The following SYNE1 variants were observed in gnomAD, a reference collection of about 807,000 sequenced individuals.
SYNE1 encodes the protein nesprin-1.
SYNE1 carries 616 observed loss-of-function variants against 1,111.0 expected under a neutral mutation model. The ratio of observed to expected loss-of-function variants is 0.55; its 90% confidence interval spans 0.52 to 0.59. The LOEUF is 0.59. Among genes scored for constraint, SYNE1 ranks in the 20% least tolerant of loss-of-function variants. The pLI is 0.00. For synonymous variants in SYNE1, 3,855 were observed against 3,825.8 expected (o/e 1.01, Z -0.28); for missense variants, 10,006 against 10,417.0 (o/e 0.96, Z 1.72).
Position 152,208,066 on chromosome 6 carries a change from T to G in SYNE1, c.22730A>C (p.Lys7577Thr), listed in dbSNP as rs1307700406. Residue 7577 changes from lysine to threonine, a missense_variant, in exon 125 of 146, where the codon AAA becomes ACA. This residue lies in a region of SYNE1 where 2,182 missense variants were observed against 2,287.8 expected (regional missense o/e 0.95). Coordinates refer to ENST00000367255, the MANE Select transcript of SYNE1 (RefSeq NM_182961.4). ...RYREMAEKLR[K>T]WLVEVSYLPM... ...GAGGTAGGACACTTCAACCAACCAT[T>G]TACGAAGCTTTTCTGCCATCTCCCT... The G allele has an allele frequency of 6.2e-7, 1 of 1,613,956 alleles. No individual in the cohort carries two copies. The highest frequency in any genetic ancestry group is 2.2e-5 in the East Asian group (1 of 44,878).
intron 45 of SYNE1, among the ~76,000 whole-genome samples, chr6:152,406,476 A>T (rs1256365971): frequency 8.7e-6 from 1 of 114,652 alleles, no homozygotes; most frequent in African/African-American, 3.9e-5. Context: ...AAGCATAGAT[A>T]AAAATGCAAA....
intron 134 of SYNE1, 101 bp downstream of exon 134, chr6:152,151,858 C>G: frequency 1.3e-6 from 2 of 1,509,336 alleles, no homozygotes; most frequent in Non-Finnish European, 1.8e-6. Flanking sequence ...CTCCTGCCAT[C>G]CCATTCTTAC....
chr6:152,239,515 T>C lies in SYNE1; in HGVS notation c.20067+18A>G, dbSNP rs186247729. The C allele has an allele frequency of 3.1e-6, 5 of 1,613,998 alleles. No homozygotes were observed. The highest frequency in any genetic ancestry group is 2.2e-5 in the South Asian group (2 of 91,070). On this transcript the variant is annotated intron_variant, in intron 108 of 145. Coordinates refer to ENST00000367255, the MANE Select transcript of SYNE1 (RefSeq NM_182961.4). ...CAGGAAGTTTGCAGCACAGAAGATATGACATCAATGGTCTCACCTCTAGAA... is the reference window on the plus strand; with the variant it reads ...CAGGAAGTTTGCAGCACAGAAGATACGACATCAATGGTCTCACCTCTAGAA...
At chr6:152,465,560 C>A in intron 17 of SYNE1, 100 bp from the exon 18 acceptor site, 1 of 1,055,082 alleles carries the variant, frequency 9.5e-7, no homozygotes, top group South Asian at 1.4e-5. Flanking sequence ...TAGTATCCAT[C>A]ACAAATGCCA....
At chr6:152,210,587 CA>C (rs2077344044) in intron 124 of SYNE1, among the ~76,000 whole-genome samples, 1 of 151,858 alleles carries the variant, frequency 6.6e-6, no homozygotes, top group Non-Finnish European at 1.5e-5. Context: ...ACATTAAAGA[CA>C]AAACTCTCAA....
chr6:152,536,361 C>T (rs535949461), intron 4 of SYNE1, among the ~76,000 whole-genome samples: 10 of 89,678 alleles, frequency 1.1e-4, no homozygotes, highest in African/African-American at 3.0e-4. Flanking sequence ...ATATAGTATA[C>T]TAATATATAT....
At chr6:152,326,770 A>C (rs2096076999) in intron 78 of SYNE1, 137 bp from the exon 79 acceptor site, 5 of 802,100 alleles carry the variant, frequency 6.2e-6, no homozygotes, top group Non-Finnish European at 1.0e-5. Context: ...AGTTAGTGGA[A>C]TATTTTTGTG....
At chr6:152,138,991 A>G (rs920777005) in intron 140 of SYNE1, among the ~76,000 whole-genome samples, 20 of 152,154 alleles carry the variant, frequency 1.3e-4, no homozygotes, top group Non-Finnish European at 2.6e-4. Flanking sequence ...ACTGTAATCA[A>G]TTTCAGAAGT....
chr6:152,461,786 C>A, intron 20 of SYNE1, 46 bp from the exon 21 acceptor site: 1 of 1,613,016 alleles, frequency 6.2e-7, no homozygotes. Flanking sequence ...GACACATTTC[C>A]TCTTAACTTC....
chr6:152,374,281 T>C (rs1049649649), intron 58 of SYNE1, among the ~76,000 whole-genome samples: 1 of 152,210 alleles, frequency 6.6e-6, no homozygotes, highest in Non-Finnish European at 1.5e-5. Flanking sequence ...CGATTCTCAA[T>C]ATTTTCAAGT....
chr6:152,159,528 T>C (rs1275900236), intron 131 of SYNE1, among the ~76,000 whole-genome samples: 1 of 152,240 alleles, frequency 6.6e-6, no homozygotes, highest in Non-Finnish European at 1.5e-5. Flanking sequence ...GAAAGCAGCA[T>C]GTTTTCCACC....
At chr6:152,584,671 G>A (rs2128456354) in intron 3 of SYNE1, among the ~76,000 whole-genome samples, 1 of 152,222 alleles carries the variant, frequency 6.6e-6, no homozygotes, top group East Asian at 1.9e-4. Flanking sequence ...TCAAAATGCT[G>A]GGGTTACAGG....
At chr6:152,609,031 C>T (rs1230131584) in intron 3 of SYNE1, among the ~76,000 whole-genome samples, 1 of 152,086 alleles carries the variant, frequency 6.6e-6, no homozygotes, top group Non-Finnish European at 1.5e-5. Flanking sequence ...GAGCTCCAGT[C>T]TGCAGCTCCC....
chr6:152,253,043 T>C (rs755570831), intron 104 of SYNE1, among the ~76,000 whole-genome samples: 2 of 152,144 alleles, frequency 1.3e-5, no homozygotes, highest in Non-Finnish European at 2.9e-5. Context: ...TTGATCATCT[T>C]GGGGGCAGTA....
intron 145 of SYNE1, chr6:152,125,238 G>T: frequency 6.5e-7 from 1 of 1,548,600 alleles, no homozygotes; most frequent in Non-Finnish European, 8.7e-7. Context: ...TAATGGTAAT[G>T]GTAATTCAGG....
intron 11 of SYNE1, 111 bp from the exon 12 acceptor site, chr6:152,488,614 T>C (rs2098953789): frequency 1.5e-6 from 1 of 664,042 alleles, no homozygotes; most frequent in Non-Finnish European, 2.6e-6. Flanking sequence ...GTCCCAACTG[T>C]CTCTGAAAAA....
At chr6:152,129,514 A>G (rs868116549) in intron 145 of SYNE1, 5 of 152,118 alleles carry the variant, frequency 3.3e-5, no homozygotes, top group Non-Finnish European at 2.9e-5. Flanking sequence ...AAAGTCCCCA[A>G]GAGTTTTTCT....
intron 8 of SYNE1, among the ~76,000 whole-genome samples, chr6:152,509,454 AC>A (rs2099074425): frequency 6.6e-6 from 1 of 151,824 alleles, no homozygotes; most frequent in Non-Finnish European, 1.5e-5. Flanking sequence ...ATGGGGTTTC[AC>A]CAGATTGGCC....
At chr6:152,467,946 A>C (rs909153641) in intron 16 of SYNE1, among the ~76,000 whole-genome samples, 1 of 152,162 alleles carries the variant, frequency 6.6e-6, no homozygotes, top group African/African-American at 2.4e-5. Context: ...AGCTATTTAG[A>C]CACACCTGTC....
Sources: gnomAD v4.1 joint callset for allele counts (sites outside exome capture counted in the v4.1 genomes callset) on GRCh38, gnomAD v4.1.1 for gene constraint, gnomAD v4.1.1 regional missense constraint, MANE v1.5 for transcripts, NCBI Gene and HGNC (gene_info 2026-07-23, HGNC 2026-07-21) for gene names.